Variants in CCDC57 observed in about 807,000 individuals in gnomAD.
The protein encoded by CCDC57 is coiled-coil domain containing 57, also known as coiled-coil domain-containing protein 57.
Under a neutral mutation model 118.9 loss-of-function variants are expected in CCDC57, and 118 were observed. The ratio of observed to expected loss-of-function variants is 0.99; its 90% CI spans 0.86 to 1.16. The LOEUF (loss-of-function observed/expected upper bound fraction) is 1.16, where lower values mean the gene tolerates loss of function less well. Ranked by LOEUF, CCDC57 falls within the 50% of genes most tolerant of loss-of-function variation. The pLI is 0.00. For missense variants in CCDC57, 1,300 were observed against 1,320.7 expected, an observed-to-expected ratio of 0.98 and a Z score of 0.24; for synonymous variants, 527 against 532.9, an observed-to-expected ratio of 0.99 and a Z score of 0.15.
At chr17:82,148,242 GTAGA>G (rs2041162834) in intron 16 of CCDC57, among the ~76,000 whole-genome samples, 2 of 134,480 alleles carry the variant, frequency 1.5e-5, no homozygotes, top group South Asian at 5.3e-4. Flanking sequence ...GGGTAGATGG[GTAGA>G]TGGATGGATG....
intron 1 of CCDC57, among the ~76,000 whole-genome samples, chr17:82,211,023 GAA>G (rs2050150697): frequency 3.3e-5 from 4 of 121,144 alleles, no homozygotes; most frequent in Non-Finnish European, 5.2e-5. Flanking sequence ...AAAAAAAAAA[GAA>G]AAAGAGAGAA....
chr17:82,172,650 C>T lies in CCDC57; in HGVS notation c.1717G>A (p.Ala573Thr), dbSNP rs1206031494. 9.0e-6 allele frequency: 14 copies of T among 1,550,632 alleles called. No individual in the cohort carries two copies. The highest frequency in any genetic ancestry group is 1.1e-5 in the Non-Finnish European group (13 of 1,147,294). The change falls in exon 12 of 20, where the codon GCC becomes ACC. Residue 573 changes from alanine to threonine, a missense_variant. Transcript: ENST00000665763. This position sits in a 1 kb window ranked among gnomAD's most constrained non-coding sequence, Gnocchi z 5.2. ...CCCACTTACTCACCAGGAGTGGCGGCATCTCCCCCAGCCTCTGGGTCAGGC... is the reference window on the plus strand; with the variant it reads ...CCCACTTACTCACCAGGAGTGGCGGTATCTCCCCCAGCCTCTGGGTCAGGC...
At chr17:82,199,171 T>A (rs556164864) in intron 3 of CCDC57, among the ~76,000 whole-genome samples, 1 of 151,188 alleles carries the variant, frequency 6.6e-6, no homozygotes, top group African/African-American at 2.4e-5. Flanking sequence ...GAAAAACAAA[T>A]CTCAGCAAAG....
At chr17:82,209,340 C>T (rs2050012612) in intron 1 of CCDC57, among the ~76,000 whole-genome samples, 3 of 152,096 alleles carry the variant, frequency 2.0e-5, no homozygotes, top group Non-Finnish European at 4.4e-5. Context: ...TTTAGAACCA[C>T]GTATACATGT....
rs749455808 is a variant in CCDC57, at chr17:82,201,880, C to T, written c.65G>A (p.Arg22Lys). Reference sequence around the variant, plus strand: ...CTGGGTGCGGTGTGCCTGCAGCGCCCTCCACTCCTCCTCCTTGCGAAGCAG... The same window carrying T: ...CTGGGTGCGGTGTGCCTGCAGCGCCTTCCACTCCTCCTCCTTGCGAAGCAG... The change falls in exon 3 of 20, where the codon AGG becomes AAG. Residue 22 changes from arginine (R) to lysine (K), a missense_variant. Physicochemically the swap from Arg to Lys is conservative, Grantham distance 26. Coordinates refer to ENST00000665763, the Ensembl canonical transcript of CCDC57. 51 of 1,611,982 alleles carry T rather than the reference C, an allele frequency of 3.2e-5. No homozygotes were observed. In the African/African-American group the frequency reaches 4.5e-4, roughly 14 times the overall value.
In CCDC57 at chr17:82,116,607, C is replaced by T. The variant is rs79217162; in HGVS notation, c.2899+11085G>A. ...CCTTCCAGAACTCCAGGGTGCAGAA[C>T]AAGGGCTGGGCCTTGGGACCCTCAG... is the stretch of plus-strand genomic sequence containing the variant. On this transcript the variant is annotated intron_variant, in intron 19 of 19. Coordinates refer to ENST00000665763, the Ensembl canonical transcript of CCDC57. 7.9e-5 allele frequency among the ~76,000 whole-genome samples: 12 copies of T among 152,338 alleles called. No individual in the cohort carries two copies. In the East Asian group the frequency reaches 2.3e-3, roughly 29 times the overall value.
At chr17:82,207,353 A>T (rs2049793205) in intron 2 of CCDC57, among the ~76,000 whole-genome samples, 1 of 151,730 alleles carries the variant, frequency 6.6e-6, no homozygotes. Flanking sequence ...AAAAAAAAAC[A>T]AAAAAGAAAT....
intron 2 of CCDC57, among the ~76,000 whole-genome samples, chr17:82,207,247 C>T (rs1039976214): frequency 1.3e-5 from 2 of 151,888 alleles, no homozygotes; most frequent in African/African-American, 2.4e-5. Flanking sequence ...GTGGGAGGAT[C>T]GCTTGAGCTT....
intron 19 of CCDC57, among the ~76,000 whole-genome samples, chr17:82,122,267 C>T (rs1031132864): frequency 1.1e-4 from 17 of 152,236 alleles, no homozygotes; most frequent in African/African-American, 4.1e-4. Flanking sequence ...ACCACCAGGC[C>T]AGCTGCTGGG....
At chr17:82,102,096 C>A (rs1014428165) in intron 19 of CCDC57, among the ~76,000 whole-genome samples, 1 of 152,220 alleles carries the variant, frequency 6.6e-6, no homozygotes, top group Admixed American at 6.5e-5. Flanking sequence ...AGGGACTGGG[C>A]CTGCCCCTCC....
exon 17 of CCDC57, chr17:82,134,088 G>A: frequency 7.1e-7 from 1 of 1,414,628 alleles, no homozygotes; most frequent in South Asian, 1.6e-5. Flanking sequence ...ATGTAAAATG[G>A]GGCTGCACCT....
At position 82,173,289 on chromosome 17, in the gene CCDC57, T is replaced by G. The variant is rs561451711; in HGVS notation, c.1507-429A>C. Among the ~76,000 whole-genome samples the G allele has an allele frequency of 5.3e-5, 8 of 152,278 alleles. No homozygotes were observed. The South Asian group carries it at 1.7e-3, about 32-fold the overall frequency. On this transcript the variant is annotated intron_variant, in intron 11 of 19. Coordinates refer to ENST00000665763, the Ensembl canonical transcript of CCDC57. ...CCAAAAAATAGTTAAAGCAGCCAGT[T>G]TTGCGTTATGTATACTTTAGTACAA... is the stretch of plus-strand genomic sequence containing the variant.
In CCDC57 at chr17:82,206,837, A is replaced by G. The variant is rs2049715916; in HGVS notation, c.-9+1010T>C. On this transcript the variant is annotated intron_variant, in intron 2 of 19. Coordinates refer to ENST00000665763, the Ensembl canonical transcript of CCDC57. The stretch of plus-strand genomic sequence containing the variant: ...ACCATTGCAAAATTATAACTCAGAC[A>G]GTGAAAGAGATCTGACCTAACCAAT... Among the ~76,000 whole-genome samples, 7 of 152,326 alleles carry G rather than the reference A, an allele frequency of 4.6e-5. No homozygotes were observed. The South Asian group carries it at 1.4e-3, about 32-fold the overall frequency.
At position 82,118,331 on chromosome 17, in the gene CCDC57, G is replaced by A. The variant is rs1024387818; in HGVS notation, c.2899+9361C>T. Among the ~76,000 whole-genome samples the A allele has an allele frequency of 2.0e-5, 3 of 152,082 alleles. No homozygotes were observed. Among genetic ancestry groups the A allele is most frequent in the African/African-American group, 7.2e-5 (3 of 41,388 alleles). ...AAACCCAGTGTGGTGTTATCCATTA[G>A]CGCAGGACTGAAACCCGATGTGGGT... On this transcript the variant is annotated intron_variant, in intron 19 of 19. Transcript: ENST00000665763. The surrounding 1 kb of genome is among the most constrained non-coding windows in gnomAD (Gnocchi z 4.7).
intron 13 of CCDC57, among the ~76,000 whole-genome samples, chr17:82,164,905 T>C (rs2043792733): frequency 6.6e-6 from 1 of 152,182 alleles, no homozygotes; most frequent in South Asian, 2.1e-4. Flanking sequence ...TAGAGAATAC[T>C]TTCCAACATA....
chr17:82,162,596 C>T (rs2043488190), intron 14 of CCDC57, among the ~76,000 whole-genome samples: 3 of 144,352 alleles, frequency 2.1e-5, no homozygotes, highest in South Asian at 4.6e-4. Flanking sequence ...TCGGGCAGCC[C>T]GCACACACGC....
intron 6 of CCDC57, 46 bp downstream of exon 5, chr17:82,193,936 C>T (rs537461174): frequency 8.2e-6 from 13 of 1,585,450 alleles, no homozygotes; most frequent in South Asian, 6.7e-5. Flanking sequence ...TCCTGGCCTG[C>T]GAGGCTGCCA....
At chr17:82,159,534 G>A (rs552818539) in intron 14 of CCDC57, among the ~76,000 whole-genome samples, 27 of 152,316 alleles carry the variant, frequency 1.8e-4, no homozygotes, top group African/African-American at 6.5e-4. Flanking sequence ...ATCAAGGCGA[G>A]GCGTTAGGCA....
In CCDC57 at chr17:82,150,929, G is replaced by A. The variant is rs190796968; in HGVS notation, c.2455+631C>T. Among the ~76,000 whole-genome samples, 129 of 31,492 alleles carry A rather than the reference G, an allele frequency of 4.1e-3. 27 individuals carry two copies. Among genetic ancestry groups the A allele is most frequent in the Middle Eastern group, 0.036 (1 of 28 alleles). The allele number at this position is 31,492 out of a possible 152,430, so 20.7% of individuals were successfully genotyped here. A position where few individuals can be genotyped will look rare whatever the true frequency, so the allele number is the denominator to read the frequency against. ...ACCTGACCCGCACCCAGAACCAGGC[G>A]CACACCCAGAACCAGGCGCACACCC... On this transcript the variant is annotated intron_variant, in intron 16 of 19. Coordinates refer to ENST00000665763, the Ensembl canonical transcript of CCDC57.
Sources: allele counts gnomAD v4.1 joint callset (sites outside exome capture counted in the v4.1 genomes callset), GRCh38; gene constraint gnomAD v4.1.1; non-coding constraint Gnocchi (gnomAD v3.1); transcripts MANE v1.5; gene names NCBI Gene and HGNC (gene_info 2026-07-23, HGNC 2026-07-21).